Variants in CD6 observed in about 807,000 individuals in gnomAD.
CD6 encodes T-cell differentiation antigen CD6.
A neutral mutation model predicts 75.3 loss-of-function variants in CD6; 53 were observed. The observed-to-expected ratio is 0.70, with a 90% confidence interval of 0.56 to 0.88. The LOEUF is 0.88. CD6 is among the 40% of genes least tolerant of loss of function. The pLI is 0.00. For synonymous variants in CD6, 359 were observed against 381.5 expected, an observed-to-expected ratio of 0.94 and a Z score of 0.69; for missense variants, 770 against 897.1, an observed-to-expected ratio of 0.86 and a Z score of 1.81.
chr11:61,009,505 CTGGGCTGGCG>C, intron 4 of CD6, 57 bp from the exon 5 acceptor site: 1 of 1,436,408 alleles, frequency 7.0e-7, no homozygotes, highest in South Asian at 1.4e-5. Context: ...ACTGGTGGGT[CTGGGCTGGCG>C]GGAATTTCTG....
chr11:60,985,328 C>T (rs1460409495), intron 1 of CD6, among the ~76,000 whole-genome samples: 3 of 151,764 alleles, frequency 2.0e-5, no homozygotes, highest in Non-Finnish European at 4.4e-5. Context: ...GGATTACAGG[C>T]ATGCACCACC....
intron 1 of CD6, among the ~76,000 whole-genome samples, chr11:60,984,236 A>G (rs1459649964): frequency 6.6e-6 from 1 of 152,220 alleles, no homozygotes. Flanking sequence ...TGCCGGAATC[A>G]GTTATTATAA....
chr11:61,019,551 G>T lies in CD6; in HGVS notation c.*233G>T. 2.4e-6 allele frequency: 1 copy of T among 424,780 alleles called. No homozygotes were observed. Among genetic ancestry groups the T allele is most frequent in the Non-Finnish European group, 4.2e-6 (1 of 239,302 alleles). 26.3% of individuals were successfully genotyped at this position (424,780 alleles called of 1,614,324 possible). ...AGATAGCAGCCCCAGGGAGGATGCT[G>T]CCTCCAAGAGGTGTGAGCCCTCTGT... On this transcript the variant is annotated 3_prime_UTR_variant, in exon 13 of 13. Coordinates refer to ENST00000313421, the MANE Select transcript of CD6 (RefSeq NM_006725.5).
intron 1 of CD6, among the ~76,000 whole-genome samples, chr11:60,992,374 G>C (rs528189001): frequency 1.3e-5 from 2 of 151,978 alleles, no homozygotes; most frequent in South Asian, 4.2e-4. Context: ...GGAGGCAAGG[G>C]GGGCATGTGA....
In CD6 at chr11:61,020,050, T is replaced by C. The variant is rs1373778647; in HGVS notation, c.*732T>C. 5.0e-6 allele frequency: 2 copies of C among 397,652 alleles called. No individual in the cohort carries two copies. The highest frequency in any genetic ancestry group is 7.1e-5 in the East Asian group (2 of 28,054). 24.6% of individuals were successfully genotyped at this position (397,652 alleles called of 1,614,324 possible). A position where few individuals can be genotyped will look rare whatever the true frequency, so the allele number is the denominator to read the frequency against. On this transcript the variant is annotated 3_prime_UTR_variant, in exon 13 of 13. Coordinates refer to ENST00000313421, the MANE Select transcript of CD6 (RefSeq NM_006725.5). ...GCAGTGACTGTCCCTGGACAATGGG[T>C]CTTTATTCTGAGTTTCCTATGGTTT...
At chr11:60,975,693 G>A (rs542693222) in intron 1 of CD6, among the ~76,000 whole-genome samples, 3 of 152,212 alleles carry the variant, frequency 2.0e-5, no homozygotes, top group South Asian at 4.1e-4. Flanking sequence ...CCAGCTACTC[G>A]GAAGGCTGAG....
chr11:61,000,493 C>T (rs1453245151), intron 1 of CD6, among the ~76,000 whole-genome samples: 1 of 152,172 alleles, frequency 6.6e-6, no homozygotes, highest in African/African-American at 2.4e-5. Context: ...TCCTCAGCAC[C>T]TCTGACAGTG....
chr11:61,017,434 T>G, intron 9 of CD6, 45 bp from the exon 10 acceptor site: 2 of 1,446,350 alleles, frequency 1.4e-6, no homozygotes, highest in Non-Finnish European at 1.9e-6. Context: ...TCCTAAATGA[T>G]GAGGTTGAGC....
At position 61,019,883 on chromosome 11, in the gene CD6, C is replaced by G; in HGVS notation, c.*565C>G. ...GGCTTTGCTCCGGGCGGTAACTGCACTTGGGCAGGGAATATAGCCTTCCTG... is the reference window on the plus strand; with the variant it reads ...GGCTTTGCTCCGGGCGGTAACTGCAGTTGGGCAGGGAATATAGCCTTCCTG... On this transcript the variant is annotated 3_prime_UTR_variant, in exon 13 of 13. Coordinates refer to ENST00000313421, the MANE Select transcript of CD6 (RefSeq NM_006725.5). 5.8e-6 allele frequency: 2 copies of G among 345,226 alleles called. No homozygotes were observed. Among genetic ancestry groups the G allele is most frequent in the Non-Finnish European group, 1.0e-5 (2 of 193,196 alleles). The allele number at this position is 345,226 out of a possible 1,614,324, so 21.4% of individuals were successfully genotyped here. A position where few individuals can be genotyped will look rare whatever the true frequency, so the allele number is the denominator to read the frequency against.
At chr11:60,991,780 C>T (rs1443336067) in intron 1 of CD6, among the ~76,000 whole-genome samples, 2 of 150,372 alleles carry the variant, frequency 1.3e-5, no homozygotes, top group Admixed American at 6.6e-5. Context: ...AGTGATCCTC[C>T]TGCCTCAGCC....
Position 61,018,375 on chromosome 11 carries a change from G to T in CD6, c.1924G>T (p.Glu642Ter). The change falls in exon 12 of 13, where the codon GAG (glutamate) becomes TAG (stop). Residue 642 changes from glutamate (E) to a stop codon, truncating the protein, a stop_gained. Coordinates refer to ENST00000313421, the MANE Select transcript of CD6 (RefSeq NM_006725.5). LOFTEE classifies it low-confidence loss of function (END_TRUNC). ...FQPPPQPPSE[E>*]QFGCPGSPSP... The stretch of plus-strand genomic sequence containing the variant: ...GCCACCACCCCAGCCCCCTTCGGAG[G>T]AGCAGTTTGGCTGTCCAGGTGCCAA... 1 of 1,598,256 alleles carries T rather than the reference G, an allele frequency of 6.3e-7. No homozygotes were observed. Among genetic ancestry groups the T allele is most frequent in the African/African-American group, 1.3e-5 (1 of 74,860 alleles).
intron 9 of CD6, among the ~76,000 whole-genome samples, chr11:61,016,298 CA>C (rs1372980646): frequency 1.3e-5 from 2 of 152,224 alleles, no homozygotes; most frequent in African/African-American, 4.8e-5. Context: ...CAGCTCTTTT[CA>C]TTGCCTTCTG....
At chr11:61,002,391 C>T (rs1454170796) in intron 1 of CD6, among the ~76,000 whole-genome samples, 1 of 151,962 alleles carries the variant, frequency 6.6e-6, no homozygotes, top group African/African-American at 2.4e-5. Context: ...CCATCTCTAC[C>T]AAAAATACAA....
In CD6 at chr11:60,975,236, C is replaced by G. The variant is rs551280852; in HGVS notation, c.49+3322C>G. 2.0e-5 allele frequency among the ~76,000 whole-genome samples: 3 copies of G among 152,260 alleles called. No individual in the cohort carries two copies. In the South Asian group the frequency reaches 6.2e-4, roughly 32 times the overall value. The stretch of plus-strand genomic sequence containing the variant: ...CATCCTTAAATAATAAATACCCTTA[C>G]AAATGTAGCTAATCAAACTCCCTTG... On this transcript the variant is annotated intron_variant, in intron 1 of 12. Transcript: ENST00000313421.
chr11:61,001,516 A>T (rs996445520), intron 1 of CD6, among the ~76,000 whole-genome samples: 1 of 152,138 alleles, frequency 6.6e-6, no homozygotes, highest in Non-Finnish European at 1.5e-5. Flanking sequence ...TGTGTCTTTT[A>T]ACATCTCTAA....
At chr11:60,979,218 C>A (rs1186618119) in intron 1 of CD6, among the ~76,000 whole-genome samples, 1 of 152,162 alleles carries the variant, frequency 6.6e-6, no homozygotes, top group African/African-American at 2.4e-5. Context: ...AAACTCCTAG[C>A]CTTGCAGCCT....
chr11:61,016,284 T>C (rs1859401738), intron 9 of CD6, among the ~76,000 whole-genome samples: 1 of 152,218 alleles, frequency 6.6e-6, no homozygotes, highest in African/African-American at 2.4e-5. Context: ...TTGTGCCTCA[T>C]AGCCAGCTCT....
intron 4 of CD6, 75 bp downstream of exon 4, chr11:61,008,920 T>C: frequency 7.7e-7 from 1 of 1,305,414 alleles, no homozygotes; most frequent in African/African-American, 1.5e-5. Flanking sequence ...AAGCCTGGAG[T>C]TAGTGCCGGA....
In CD6 at chr11:61,018,377, G is replaced by A. The variant is rs761201506; in HGVS notation, c.1926G>A (p.Glu642=). The change falls in exon 12 of 13, where the codon GAG becomes GAA. Residue 642 remains glutamate, a synonymous_variant. Coordinates refer to ENST00000313421, the MANE Select transcript of CD6 (RefSeq NM_006725.5). ...CACCACCCCAGCCCCCTTCGGAGGAGCAGTTTGGCTGTCCAGGTGCCAATA... is the reference window on the plus strand; with the variant it reads ...CACCACCCCAGCCCCCTTCGGAGGAACAGTTTGGCTGTCCAGGTGCCAATA... The part of the protein sequence containing the change: ...FQPPPQPPSE[E]QFGCPGSPSP... 1.9e-6 allele frequency: 3 copies of A among 1,597,886 alleles called. No homozygotes were observed. The highest frequency in any genetic ancestry group is 1.7e-5 in the Admixed American group (1 of 57,970).
Sources: gnomAD v4.1 joint callset for allele counts (sites outside exome capture counted in the v4.1 genomes callset) on GRCh38, gnomAD v4.1.1 for gene constraint, MANE v1.5 for transcripts, NCBI Gene and HGNC (gene_info 2026-07-23, HGNC 2026-07-21) for gene names.